Variants in GRM7 observed in about 807,000 individuals in gnomAD.
The protein encoded by GRM7 is metabotropic glutamate receptor 7.
A neutral mutation model predicts 84.5 loss-of-function variants in GRM7; 35 were observed. The ratio of observed to expected loss-of-function variants is 0.41; its 90% CI spans 0.32 to 0.55. The LOEUF is 0.55. Among genes scored for constraint, GRM7 ranks in the 20% least tolerant of loss-of-function variants. The pLI is 0.19. For synonymous variants in GRM7, 487 were observed against 455.1 expected (o/e 1.07, Z -0.89); for missense variants, 1,003 against 1,194.6 (o/e 0.84, Z 2.36).
chr3:7,039,352 T>G (rs1696504588), intron 1 of GRM7, among the ~76,000 whole-genome samples: 1 of 152,214 alleles, frequency 6.6e-6, no homozygotes, highest in African/African-American at 2.4e-5. Flanking sequence ...AAAGTGTTTT[T>G]TAAAAAAATT....
At chr3:7,354,651 A>G (rs1049738381) in intron 4 of GRM7, among the ~76,000 whole-genome samples, 4 of 152,100 alleles carry the variant, frequency 2.6e-5, no homozygotes, top group African/African-American at 7.2e-5. Flanking sequence ...CTATTTTCCT[A>G]TTTGGTCTGT....
At chr3:6,997,417 A>G (rs575539452) in intron 1 of GRM7, among the ~76,000 whole-genome samples, 1 of 152,304 alleles carries the variant, frequency 6.6e-6, no homozygotes, top group East Asian at 1.9e-4. Flanking sequence ...TTACACTCAC[A>G]GTAGAAGGGG....
chr3:7,654,404 A>G (rs1436631488), intron 8 of GRM7, among the ~76,000 whole-genome samples: 1 of 151,646 alleles, frequency 6.6e-6, no homozygotes, highest in African/African-American at 2.4e-5. Flanking sequence ...AGCATCACCC[A>G]CTCCAGTCAC....
intron 2 of GRM7, among the ~76,000 whole-genome samples, chr3:7,238,709 C>T (rs566955278): frequency 6.6e-6 from 1 of 152,100 alleles, no homozygotes; most frequent in Non-Finnish European, 1.5e-5. Context: ...CTTCACAACA[C>T]ACATCTAGCC....
At chr3:7,377,827 A>C (rs1273659416) in intron 4 of GRM7, among the ~76,000 whole-genome samples, 1 of 152,196 alleles carries the variant, frequency 6.6e-6, no homozygotes, top group African/African-American at 2.4e-5. Flanking sequence ...GAACATAAAA[A>C]TCATGTATTT....
intron 9 of GRM7, among the ~76,000 whole-genome samples, chr3:7,707,842 T>C (rs1034184390): frequency 6.6e-6 from 1 of 152,122 alleles, no homozygotes; most frequent in African/African-American, 2.4e-5. Context: ...TGTATGCTCA[T>C]AGTTTGCCCC....
intron 2 of GRM7, among the ~76,000 whole-genome samples, chr3:7,241,614 C>A (rs1286825130): frequency 6.6e-6 from 1 of 151,992 alleles, no homozygotes; most frequent in Non-Finnish European, 1.5e-5. Flanking sequence ...TCCTAAATGC[C>A]AGGCTACCTG....
At chr3:6,864,009 A>G (rs1443546924) in intron 1 of GRM7, among the ~76,000 whole-genome samples, 3 of 152,054 alleles carry the variant, frequency 2.0e-5, no homozygotes, top group African/African-American at 7.2e-5. Context: ...TAGTGGTGAA[A>G]AAAGGGGTGG....
chr3:6,914,298 C>T (rs1345284162), intron 1 of GRM7, among the ~76,000 whole-genome samples: 2 of 152,174 alleles, frequency 1.3e-5, no homozygotes, highest in Non-Finnish European at 2.9e-5. Context: ...ATTGCTTCCA[C>T]AGTCATATAT....
intron 1 of GRM7, among the ~76,000 whole-genome samples, chr3:6,954,081 T>A (rs1692915781): frequency 6.6e-6 from 1 of 152,170 alleles, no homozygotes; most frequent in Non-Finnish European, 1.5e-5. Context: ...TATGTATATA[T>A]AAAACAAATA....
chr3:7,411,916 A>G (rs931670425), intron 4 of GRM7, among the ~76,000 whole-genome samples: 8 of 151,976 alleles, frequency 5.3e-5, no homozygotes, highest in Non-Finnish European at 7.4e-5. Context: ...ACTCTCAGCA[A>G]CAGGGAATTC....
chr3:6,912,952 T>A (rs1185005894), intron 1 of GRM7, among the ~76,000 whole-genome samples: 1 of 152,120 alleles, frequency 6.6e-6, no homozygotes, highest in Non-Finnish European at 1.5e-5. Flanking sequence ...TTACATGTTG[T>A]TTTGAGTGAT....
chr3:7,553,970 T>A (rs1559399054), intron 7 of GRM7, among the ~76,000 whole-genome samples: 1 of 152,282 alleles, frequency 6.6e-6, no homozygotes, highest in East Asian at 1.9e-4. Flanking sequence ...CAATTTGTTT[T>A]CAAGAACTCA....
At chr3:7,236,074 T>G (rs551794837) in intron 2 of GRM7, among the ~76,000 whole-genome samples, 11 of 152,288 alleles carry the variant, frequency 7.2e-5, no homozygotes, top group African/African-American at 2.6e-4. Flanking sequence ...CATCCTCATG[T>G]GGTAGAAGGG....
intron 2 of GRM7, among the ~76,000 whole-genome samples, chr3:7,177,347 A>G (rs1489497980): frequency 6.6e-6 from 1 of 152,196 alleles, no homozygotes; most frequent in East Asian, 1.9e-4. Flanking sequence ...TATTATTTCT[A>G]CTACCTAACA....
At chr3:7,180,871 G>T (rs772976964) in intron 2 of GRM7, among the ~76,000 whole-genome samples, 3 of 152,030 alleles carry the variant, frequency 2.0e-5, no homozygotes, top group Admixed American at 6.6e-5. Flanking sequence ...ATCATAGTTT[G>T]CAACCCTTGA....
intron 4 of GRM7, among the ~76,000 whole-genome samples, chr3:7,408,716 C>A (rs779029214): frequency 6.6e-6 from 1 of 152,170 alleles, no homozygotes; most frequent in East Asian, 1.9e-4. Context: ...GGGCTACCTG[C>A]GGAACATGTC....
chr3:7,436,129 G>C (rs1370948513), intron 5 of GRM7, among the ~76,000 whole-genome samples: 1 of 152,128 alleles, frequency 6.6e-6, no homozygotes, highest in Non-Finnish European at 1.5e-5. Context: ...TTACAGGCGT[G>C]AGCCACTGCA....
intron 7 of GRM7, among the ~76,000 whole-genome samples, chr3:7,575,587 C>T (rs965225017): frequency 6.6e-6 from 1 of 152,170 alleles, no homozygotes; most frequent in African/African-American, 2.4e-5. Flanking sequence ...AAATGATATA[C>T]ATCACATTAA....
Sources: gnomAD v4.1 joint callset for allele counts (sites outside exome capture counted in the v4.1 genomes callset) on GRCh38, gnomAD v4.1.1 for gene constraint, MANE v1.5 for transcripts, NCBI Gene and HGNC (gene_info 2026-07-23, HGNC 2026-07-21) for gene names.